MAP2K7: variants seen among roughly 807,000 people sequenced by gnomAD.
MAP2K7 encodes the protein mitogen-activated protein kinase kinase 7, also known as dual specificity mitogen-activated protein kinase kinase 7.
Under a neutral mutation model 47.7 loss-of-function variants are expected in MAP2K7, and 12 were observed. That is an observed-to-expected ratio of 0.25 (90% CI 0.16 to 0.41). MAP2K7 has a LOEUF of 0.41. Among genes scored for constraint, MAP2K7 ranks in the 10% least tolerant of loss-of-function variants. The pLI is 1.00. For missense variants in MAP2K7, 415 were observed against 600.3 expected (o/e 0.69, Z 3.23); for synonymous variants, 299 against 243.0 (o/e 1.23, Z -2.14).
intron 1 of MAP2K7, among the ~76,000 whole-genome samples, chr19:7,908,307 T>TC (rs1352089839): frequency 6.6e-6 from 1 of 152,040 alleles, no homozygotes; most frequent in Non-Finnish European, 1.5e-5. Context: ...CCAGAGCCCT[T>TC]CCCCTGCTCC....
chr19:7,910,328 G>A lies in MAP2K7; in HGVS notation c.402G>A (p.Val134=). The change falls in exon 4 of 11, where the codon GTG becomes GTA. Residue 134 remains valine, a synonymous_variant. Transcript: ENST00000397979. ...GEMGSGTCGQ[V]WKMRFRKTGH... ...TGGGCAGCGGCACCTGCGGCCAGGT[G>A]TGGAAGATGCGCTTCCGGAAGACCG... is the stretch of plus-strand genomic sequence containing the variant. The A allele has an allele frequency of 6.2e-7, 1 of 1,613,294 alleles. No individual in the cohort carries two copies. The highest frequency in any genetic ancestry group is 8.5e-7 in the Non-Finnish European group (1 of 1,179,950).
At chr19:7,911,351 G>C (rs1982856042) in intron 8 of MAP2K7, 21 bp downstream of exon 8, 5 of 1,613,396 alleles carry the variant, frequency 3.1e-6, no homozygotes, top group Non-Finnish European at 4.2e-6. Flanking sequence ...GCCCTCCCCT[G>C]TTCTCCAGCC....
Position 7,907,381 on chromosome 19 carries a change from G to A in MAP2K7, c.125-2374G>A, listed in dbSNP as rs527255526. Among the ~76,000 whole-genome samples the A allele has an allele frequency of 3.3e-4, 50 of 152,334 alleles. No homozygotes were observed. In the South Asian group the frequency reaches 5.6e-3, roughly 17 times the overall value. ...GGGTGTTAGGTCCACGGCATGCCCC[G>A]GGTGTGTGTTGTGCGTGCGTGCACT... On this transcript the variant is annotated intron_variant, in intron 1 of 10. Transcript: ENST00000397979.
intron 1 of MAP2K7, chr19:7,906,075 C>T: frequency 5.1e-6 from 3 of 585,702 alleles, no homozygotes; most frequent in Non-Finnish European, 9.2e-6. Context: ...CTCCCAGCTC[C>T]ACTTTGGACT....
In MAP2K7 at chr19:7,910,277, C is replaced by G; in HGVS notation, c.351C>G (p.Ile117Met). The G allele has an allele frequency of 6.2e-7, 1 of 1,613,246 alleles. No individual in the cohort carries two copies. Among genetic ancestry groups the G allele is most frequent in the Non-Finnish European group, 8.5e-7 (1 of 1,179,936 alleles). The change falls in exon 4 of 11, where the codon ATC (isoleucine) becomes ATG (methionine). Residue 117 changes from isoleucine to methionine, a missense_variant. Ile to Met is a conservative substitution (Grantham distance 10). This residue lies in a region of MAP2K7 where 206 missense variants were observed against 368.8 expected (regional missense o/e 0.56). Coordinates refer to ENST00000397979, the MANE Select transcript of MAP2K7 (RefSeq NM_145185.4). The stretch of plus-strand genomic sequence containing the variant: ...CCTCCCAGCGCTACCAGGCAGAAAT[C>G]AACGACCTGGAGAACTTGGGCGAGA... ...TIGGQRYQAE[I>M]NDLENLGEMG...
At chr19:7,908,151 C>T (rs532970270) in intron 1 of MAP2K7, among the ~76,000 whole-genome samples, 4 of 148,604 alleles carry the variant, frequency 2.7e-5, no homozygotes, top group East Asian at 2.0e-4. Context: ...GGTGACAGAG[C>T]GAGAACCTAT....
intron 8 of MAP2K7, 25 bp from the exon 9 acceptor site, chr19:7,911,411 C>T: frequency 6.2e-7 from 1 of 1,613,238 alleles, no homozygotes; most frequent in East Asian, 2.2e-5. Flanking sequence ...ATAAACCTGT[C>T]CAGCCCTGCC....
intron 1 of MAP2K7, among the ~76,000 whole-genome samples, chr19:7,908,265 T>G (rs1982591577): frequency 6.6e-6 from 1 of 151,384 alleles, no homozygotes; most frequent in Non-Finnish European, 1.5e-5. Context: ...AGGCCAGTCA[T>G]GAACGCTGGG....
Position 7,911,185 on chromosome 19 carries a change from AG to A in MAP2K7, c.855+31del, listed in dbSNP as rs747346029. 55 of 1,130,746 alleles carry A rather than the reference AG, an allele frequency of 4.9e-5. 1 individual carries two copies. The Middle Eastern group carries it at 6.8e-4, about 14-fold the overall frequency. 70.0% of individuals were successfully genotyped at this position (1,130,746 alleles called of 1,614,324 possible). A position where few individuals can be genotyped will look rare whatever the true frequency, so the allele number is the denominator to read the frequency against. ...GTGAGTGGGGGCCCCCCAGCGGGGG[AG>A]GGGGTGGGGGCTGGGAGGCCGGCCC... On this transcript the variant is annotated intron_variant, in intron 7 of 10. Transcript: ENST00000397979.
At chr19:7,910,213 C>T (rs777843539) in intron 3 of MAP2K7, 47 bp from the exon 4 acceptor site, 70 of 1,602,688 alleles carry the variant, frequency 4.4e-5, no homozygotes, top group South Asian at 4.3e-4. Flanking sequence ...GGGCAGGGGG[C>T]GGTGGCAGAG....
chr19:7,909,391 C>T (rs1982667076), intron 1 of MAP2K7, among the ~76,000 whole-genome samples: 2 of 152,216 alleles, frequency 1.3e-5, no homozygotes, highest in South Asian at 4.1e-4. Flanking sequence ...TGGCCCTGGG[C>T]CTGCTTCCTG....
rs1397538435 is a variant in MAP2K7, at chr19:7,911,340, G to A, written c.936+10G>A. ...CCTGGGCATCTCGTTGGTGAGTTGG[G>A]GCCCTCCCCTGTTCTCCAGCCAGGA... On this transcript the variant is annotated intron_variant, in intron 8 of 10. Coordinates refer to ENST00000397979, the MANE Select transcript of MAP2K7 (RefSeq NM_145185.4). 4 of 1,613,316 alleles carry A rather than the reference G, an allele frequency of 2.5e-6. No individual in the cohort carries two copies. The highest frequency in any genetic ancestry group is 1.1e-5 in the South Asian group (1 of 91,080).
rs200708722 is a variant in MAP2K7, at chr19:7,910,710, C to T, written c.582C>T (p.Ile194=). The change falls in exon 6 of 11, where the codon ATC becomes ATT. Residue 194 remains isoleucine (I), a synonymous_variant. Transcript: ENST00000397979. ...GTFITNTDVF[I]AMELMGTCAE... ...TCTCCCTGCAGACGGACGTCTTCAT[C>T]GCCATGGAGCTCATGGGCACCTGCG... 9.1e-5 allele frequency: 147 copies of T among 1,609,976 alleles called. No homozygotes were observed. The highest frequency in any genetic ancestry group is 1.7e-4 in the African/African-American group (13 of 74,958).
intron 2 of MAP2K7, 31 bp from the exon 3 acceptor site, chr19:7,910,032 A>T: frequency 6.4e-7 from 1 of 1,573,634 alleles, no homozygotes; most frequent in African/African-American, 1.4e-5. Flanking sequence ...GTCAGGACCC[A>T]CCTCCACCGG....
chr19:7,909,726 C>G, intron 1 of MAP2K7, 29 bp from the exon 2 acceptor site: 2 of 1,479,698 alleles, frequency 1.4e-6, no homozygotes, highest in South Asian at 1.3e-5. Flanking sequence ...GCTGACCCCC[C>G]TCCCTGCCAC....
rs769070384 is a variant in MAP2K7 at position 7,912,143 on chromosome 19, C to T, written c.1080-6C>T. 10 of 1,613,688 alleles carry T rather than the reference C, an allele frequency of 6.2e-6. No homozygotes were observed. The highest frequency in any genetic ancestry group is 1.6e-4 in the Middle Eastern group (1 of 6,084). ...CTCACATCTGTCTTCCCTTCTCTTG[C>T]TCTAGCCTTACTAAAGATCACAGGA... On this transcript the variant is annotated splice_region_variant and splice_polypyrimidine_tract_variant and intron_variant, in intron 9 of 10. Coordinates refer to ENST00000397979, the MANE Select transcript of MAP2K7 (RefSeq NM_145185.4).
intron 1 of MAP2K7, 124 bp from the exon 2 acceptor site, chr19:7,909,631 G>C (rs1982683130): frequency 1.6e-6 from 1 of 612,444 alleles, no homozygotes; most frequent in Non-Finnish European, 2.9e-6. Context: ...GGCTGTGCCA[G>C]CCTAGCTCGG....
chr19:7,906,608 G>C (rs530053297), intron 1 of MAP2K7: 72 of 152,476 alleles, frequency 4.7e-4, no homozygotes, highest in Admixed American at 2.1e-3. Context: ...AACTGGGCCA[G>C]GCGCAGTGGC....
chr19:7,907,669 G>A (rs187641973), intron 1 of MAP2K7, among the ~76,000 whole-genome samples: 128 of 152,272 alleles, frequency 8.4e-4, no homozygotes, highest in Non-Finnish European at 1.7e-3. Context: ...TCTGTGGTCC[G>A]GCAGCCTCCT....
Sources: gnomAD v4.1 joint callset for allele counts (sites outside exome capture counted in the v4.1 genomes callset) on GRCh38, gnomAD v4.1.1 for gene constraint, gnomAD v4.1.1 regional missense constraint, MANE v1.5 for transcripts, NCBI Gene and HGNC (gene_info 2026-07-23, HGNC 2026-07-21) for gene names.